Variants in GTF2F2 observed in about 807,000 individuals in gnomAD.
The protein encoded by GTF2F2 is ATP-dependent helicase GTF2F2.
Under a neutral mutation model 42.2 loss-of-function variants are expected in GTF2F2, and 23 were observed. The observed-to-expected ratio is 0.55, with a 90% confidence interval of 0.39 to 0.77. The LOEUF (loss-of-function observed/expected upper bound fraction) is 0.77. GTF2F2 is among the 30% of genes least tolerant of loss of function. The pLI is 0.00. For synonymous variants in GTF2F2, 105 were observed against 100.8 expected (o/e 1.04, Z -0.25); for missense variants, 261 against 287.2 (o/e 0.91, Z 0.66).
chr13:45,161,890 A>G (rs886474434), intron 4 of GTF2F2, among the ~76,000 whole-genome samples: 2 of 152,170 alleles, frequency 1.3e-5, no homozygotes, highest in Non-Finnish European at 2.9e-5. Flanking sequence ...CCAGATTTGA[A>G]CCACTTTTAA....
At chr13:45,135,994 T>G (rs1869599779) in intron 1 of GTF2F2, among the ~76,000 whole-genome samples, 1 of 152,240 alleles carries the variant, frequency 6.6e-6, no homozygotes, top group Non-Finnish European at 1.5e-5. Flanking sequence ...TTAAAGTCCT[T>G]CTTATTGCAT....
At chr13:45,220,977 GTA>G in intron 5 of GTF2F2, 1 of 151,758 alleles carries the variant, frequency 6.6e-6, no homozygotes, top group Non-Finnish European at 1.5e-5. Flanking sequence ...GTCTGTGTGT[GTA>G]TATATATAGA....
rs1009763884 is a variant in GTF2F2, at chr13:45,281,569, G to A, written c.631-1873G>A. Among the ~76,000 whole-genome samples the A allele has an allele frequency of 3.9e-5, 6 of 152,324 alleles. No individual in the cohort carries two copies. In the South Asian group the frequency reaches 1.2e-3, roughly 32 times the overall value. ...GGAACTTTAGTATATAGTTACATGA[G>A]TCGCCTAGGCACTTGTTAAAATGCA... On this transcript the variant is annotated intron_variant, in intron 7 of 7. Transcript: ENST00000340473.
chr13:45,147,974 T>C (rs1870283902), intron 2 of GTF2F2, among the ~76,000 whole-genome samples: 1 of 152,252 alleles, frequency 6.6e-6, no homozygotes, highest in Admixed American at 6.5e-5. Flanking sequence ...ATAACTGTTT[T>C]ATTTGTAGTT....
Position 45,282,910 on chromosome 13 carries a change from TG to T in GTF2F2, c.631-529del, listed in dbSNP as rs1877321010. Among the ~76,000 whole-genome samples, 3 of 152,270 alleles carry T rather than the reference TG, an allele frequency of 2.0e-5. No homozygotes were observed. In the South Asian group the frequency reaches 6.2e-4, roughly 32 times the overall value. On this transcript the variant is annotated intron_variant, in intron 7 of 7. Coordinates refer to ENST00000340473, the MANE Select transcript of GTF2F2 (RefSeq NM_004128.3). ...TCCTTCTCACATAGGAAAAAATAAG[TG>T]GGTGGCCTAAAAACAAATTTGAGAA...
intron 4 of GTF2F2, among the ~76,000 whole-genome samples, chr13:45,185,459 T>G (rs1872374471): frequency 1.3e-5 from 2 of 152,380 alleles, no homozygotes; most frequent in East Asian, 3.9e-4. Flanking sequence ...ACATGTAGAC[T>G]TACACATGTT....
At chr13:45,144,214 T>A (rs1593452685) in intron 2 of GTF2F2, among the ~76,000 whole-genome samples, 1 of 152,104 alleles carries the variant, frequency 6.6e-6, no homozygotes, top group East Asian at 1.9e-4. Context: ...GACCTCACCA[T>A]TGCACTCCAG....
At chr13:45,207,858 C>T (rs971170597) in intron 5 of GTF2F2, among the ~76,000 whole-genome samples, 6 of 151,844 alleles carry the variant, frequency 4.0e-5, no homozygotes, top group African/African-American at 1.5e-4. Flanking sequence ...AAATATGTAT[C>T]CGAAATACTG....
At chr13:45,212,332 T>C (rs192942655) in intron 5 of GTF2F2, among the ~76,000 whole-genome samples, 195 of 152,322 alleles carry the variant, frequency 1.3e-3, no homozygotes, top group African/African-American at 4.5e-3. Flanking sequence ...TATATAGTTA[T>C]AGCACACTAC....
chr13:45,154,278 C>CA (rs1870646472), intron 4 of GTF2F2, among the ~76,000 whole-genome samples: 1 of 152,116 alleles, frequency 6.6e-6, no homozygotes, highest in Non-Finnish European at 1.5e-5. Context: ...GGTACTTCTA[C>CA]AAAGACAGCA....
At chr13:45,192,502 A>C (rs1484020754) in intron 4 of GTF2F2, among the ~76,000 whole-genome samples, 1 of 152,164 alleles carries the variant, frequency 6.6e-6, no homozygotes, top group Non-Finnish European at 1.5e-5. Flanking sequence ...AGATTATTAA[A>C]ATTAAGATTT....
chr13:45,276,294 G>T (rs2138275166), intron 7 of GTF2F2, among the ~76,000 whole-genome samples: 1 of 152,208 alleles, frequency 6.6e-6, no homozygotes, highest in Non-Finnish European at 1.5e-5. Context: ...CATTTGCATT[G>T]TTTCTACGTT....
chr13:45,190,459 G>T (rs1057337709), intron 4 of GTF2F2, among the ~76,000 whole-genome samples: 2 of 152,092 alleles, frequency 1.3e-5, no homozygotes, highest in Non-Finnish European at 2.9e-5. Context: ...ATCAGACGTG[G>T]TTTCTGTTGG....
intron 6 of GTF2F2, among the ~76,000 whole-genome samples, chr13:45,261,297 G>T (rs1353590883): frequency 6.7e-6 from 1 of 149,366 alleles, no homozygotes; most frequent in African/African-American, 2.5e-5. Context: ...GTGGTGGCAC[G>T]CGCCTGTAGT....
intron 4 of GTF2F2, among the ~76,000 whole-genome samples, chr13:45,190,828 C>G (rs1872585842): frequency 6.6e-6 from 1 of 150,984 alleles, no homozygotes; most frequent in Non-Finnish European, 1.5e-5. Flanking sequence ...CTCGGCTCAC[C>G]ACAACTTCCA....
intron 4 of GTF2F2, among the ~76,000 whole-genome samples, chr13:45,184,347 A>T (rs1471829780): frequency 1.3e-5 from 2 of 151,472 alleles, no homozygotes; most frequent in African/African-American, 2.4e-5. Context: ...AATTTTTAAC[A>T]TGGGTGGCGT....
chr13:45,176,804 T>G (rs575079341), intron 4 of GTF2F2, among the ~76,000 whole-genome samples: 36 of 152,124 alleles, frequency 2.4e-4, no homozygotes, highest in Admixed American at 4.6e-4. Flanking sequence ...TCTTTTTTTT[T>G]GGGGGGGACG....
At chr13:45,277,145 C>T (rs1021303351) in intron 7 of GTF2F2, among the ~76,000 whole-genome samples, 1 of 152,164 alleles carries the variant, frequency 6.6e-6, no homozygotes, top group African/African-American at 2.4e-5. Flanking sequence ...TTCCTAGCAT[C>T]GCCTTTCCTC....
chr13:45,121,543 A>C lies in GTF2F2; in HGVS notation c.66+822A>C, dbSNP rs533424452. Among the ~76,000 whole-genome samples the C allele has an allele frequency of 4.6e-5, 7 of 152,292 alleles. 1 individual carries two copies. The South Asian group carries it at 1.5e-3, about 32-fold the overall frequency. ...GAGGTCTTTCTTGTCGGCCTTCCTA[A>C]AACAGCCCCCTTGTGATCATTTGCT... is the stretch of plus-strand genomic sequence containing the variant. On this transcript the variant is annotated intron_variant, in intron 1 of 7. Transcript: ENST00000340473.
Sources: gnomAD v4.1 joint callset for allele counts (sites outside exome capture counted in the v4.1 genomes callset) on GRCh38, gnomAD v4.1.1 for gene constraint, MANE v1.5 for transcripts, NCBI Gene and HGNC (gene_info 2026-07-23, HGNC 2026-07-21) for gene names.